Variants in PSMD4 observed in about 807,000 individuals in gnomAD.
PSMD4 encodes the protein proteasome 26S subunit ubiquitin receptor, non-ATPase 4, also known as 26S proteasome non-ATPase regulatory subunit 4.
In PSMD4, 5 loss-of-function variants were observed where a neutral mutation model predicts 39.7. The observed-to-expected ratio is 0.13, with a 90% CI of 0.07 to 0.26. The LOEUF (loss-of-function observed/expected upper bound fraction) is 0.26, where lower values mean the gene tolerates loss of function less well. PSMD4 is among the 10% of genes least tolerant of loss of function. PSMD4 has a pLI of 1.00. For synonymous variants in PSMD4, 143 were observed against 174.6 expected (o/e 0.82, Z 1.43); for missense variants, 272 against 486.1 (o/e 0.56, Z 4.14).
At chr1:151,256,355 AATAATAATAAAATAAAT>A (rs1233626010) in intron 1 of PSMD4, among the ~76,000 whole-genome samples, 8 of 72,044 alleles carry the variant, frequency 1.1e-4, no homozygotes, top group Non-Finnish European at 1.5e-4. Context: ...AAAAAAAAAA[AATAATAATAAAATAAAT>A]AAATAAATAA....
At chr1:151,256,560 T>A in intron 1 of PSMD4, among the ~76,000 whole-genome samples, 1 of 149,752 alleles carries the variant, frequency 6.7e-6, no homozygotes, top group African/African-American at 2.5e-5. Flanking sequence ...TGCCTCAGCC[T>A]CCTGAGTAAC....
chr1:151,263,947 C>T lies in PSMD4; in HGVS notation c.201C>T (p.Asp67=), dbSNP rs748237858. Reference sequence around the variant, plus strand: ...AAGTGCTGACCACACTCACCCCAGACACTGGCCGTATCCTGTCCAAGCTAC... The same window carrying T: ...AAGTGCTGACCACACTCACCCCAGATACTGGCCGTATCCTGTCCAAGCTAC... ...DCEVLTTLTP[D]TGRILSKLHT... is the part of the protein sequence containing the mutation. Residue 67 remains aspartate, a synonymous_variant, in exon 3 of 10, where the codon GAC becomes GAT. Coordinates refer to ENST00000368884, the MANE Select transcript of PSMD4 (RefSeq NM_002810.4). 3 of 1,598,438 alleles carry T rather than the reference C, an allele frequency of 1.9e-6. No individual in the cohort carries two copies. The highest frequency in any genetic ancestry group is 2.6e-6 in the Non-Finnish European group (3 of 1,172,666).
In PSMD4 at chr1:151,254,781, A is replaced by G. The variant is rs751471770; in HGVS notation, c.-2A>G. On this transcript the variant is annotated 5_prime_UTR_variant, in exon 1 of 10. Coordinates refer to ENST00000368884, the MANE Select transcript of PSMD4 (RefSeq NM_002810.4). The stretch of plus-strand genomic sequence containing the variant: ...CCGGTCGGGAGGGAGGAAGGTGGCA[A>G]GATGGTGTTGGAAAGCACTATGGTG... The G allele has an allele frequency of 2.6e-6, 4 of 1,563,696 alleles. No individual in the cohort carries two copies. Among genetic ancestry groups the G allele is most frequent in the Non-Finnish European group, 2.6e-6 (3 of 1,155,542 alleles).
intron 1 of PSMD4, chr1:151,258,947 C>A (rs587755697): frequency 6.6e-6 from 1 of 152,136 alleles, no homozygotes; most frequent in Non-Finnish European, 1.5e-5. Context: ...GGTGCGGTGG[C>A]TTACACCTGT....
chr1:151,255,119 C>T (rs1693132908), intron 1 of PSMD4, among the ~76,000 whole-genome samples: 1 of 152,188 alleles, frequency 6.6e-6, no homozygotes, highest in Admixed American at 6.5e-5. Context: ...TTTTCGGACT[C>T]ATCGTAATAG....
In PSMD4 at chr1:151,267,297, C is replaced by T. The variant is rs772628110; in HGVS notation, c.1088C>T (p.Ala363Val). 6.2e-7 allele frequency: 1 copy of T among 1,613,836 alleles called. No homozygotes were observed. Among genetic ancestry groups the T allele is most frequent in the South Asian group, 1.1e-5 (1 of 91,078 alleles). ...GCTATGGGCTCCCTGGCCTCCCAGGCCACCAAGGACGGCAAGAAGGACAAG... is the reference window on the plus strand; with the variant it reads ...GCTATGGGCTCCCTGGCCTCCCAGGTCACCAAGGACGGCAAGAAGGACAAG... ...RNAMGSLASQ[A>V]TKDGKKDKKE... Residue 363 changes from alanine (A) to valine (V), a missense_variant, in exon 10 of 10, where the codon GCC becomes GTC. Coordinates refer to ENST00000368884, the MANE Select transcript of PSMD4 (RefSeq NM_002810.4).
chr1:151,267,448 C>G lies in PSMD4; in HGVS notation c.*105C>G. ...TGTAACCATTACAGCCTAAATAAAG[C>G]TTGGCAACTTTTTTTCCTTTTTTGC... On this transcript the variant is annotated 3_prime_UTR_variant, in exon 10 of 10. Transcript: ENST00000368884. 1.5e-6 allele frequency: 2 copies of G among 1,369,004 alleles called. No individual in the cohort carries two copies. The allele number at this position is 1,369,004 out of a possible 1,614,324, so 84.8% of individuals were successfully genotyped here. A position where few individuals can be genotyped will look rare whatever the true frequency, so the allele number is the denominator to read the frequency against.
At chr1:151,257,708 T>TG (rs1230231972) in intron 1 of PSMD4, among the ~76,000 whole-genome samples, 9 of 130,036 alleles carry the variant, frequency 6.9e-5, no homozygotes, top group African/African-American at 2.6e-4. Context: ...CCACCATACC[T>TG]GGCTTTCTTT....
chr1:151,265,243 G>A lies in PSMD4; in HGVS notation c.438+9G>A, dbSNP rs1319620112. Reference sequence around the variant, plus strand: ...TCAATTTTGGGGAAGAGGTGAGTAGGGACTGATTGGAGGGCATTGACTTAA... The same window carrying A: ...TCAATTTTGGGGAAGAGGTGAGTAGAGACTGATTGGAGGGCATTGACTTAA... On this transcript the variant is annotated intron_variant, in intron 5 of 9. Coordinates refer to ENST00000368884, the MANE Select transcript of PSMD4 (RefSeq NM_002810.4). 1 of 1,611,454 alleles carries A rather than the reference G, an allele frequency of 6.2e-7. No homozygotes were observed. Among genetic ancestry groups the A allele is most frequent in the Non-Finnish European group, 8.5e-7 (1 of 1,178,052 alleles).
chr1:151,263,508 A>G (rs868796831), intron 2 of PSMD4, among the ~76,000 whole-genome samples: 20 of 150,172 alleles, frequency 1.3e-4, no homozygotes, highest in Admixed American at 2.7e-4. Context: ...AATAGAAATA[A>G]TGGTTATTAT....
At chr1:151,265,065 C>G (rs1693397866) in intron 4 of PSMD4, 101 bp from the exon 5 acceptor site, 2 of 1,309,734 alleles carry the variant, frequency 1.5e-6, no homozygotes, top group Admixed American at 2.0e-5. Flanking sequence ...GTTGGAGGAC[C>G]TTGGGGAGGT....
intron 1 of PSMD4, among the ~76,000 whole-genome samples, chr1:151,260,275 A>G (rs1236625622): frequency 6.6e-6 from 1 of 152,096 alleles, no homozygotes; most frequent in Admixed American, 6.6e-5. Flanking sequence ...GTAGAACCTT[A>G]ACTATTAGAG....
intron 2 of PSMD4, 77 bp downstream of exon 2, chr1:151,262,378 C>G: frequency 6.4e-7 from 1 of 1,572,150 alleles, no homozygotes; most frequent in Non-Finnish European, 8.8e-7. Flanking sequence ...TTCCATGAAG[C>G]TGCTTTTGCC....
chr1:151,263,664 T>TA (rs1208218635), intron 2 of PSMD4: 23 of 255,986 alleles, frequency 9.0e-5, no homozygotes, highest in East Asian at 4.7e-4. Flanking sequence ...CCGTCTCTAC[T>TA]AAAAAAAATA....
intron 2 of PSMD4, among the ~76,000 whole-genome samples, chr1:151,263,075 G>A (rs1268843855): frequency 6.6e-6 from 1 of 152,082 alleles, no homozygotes; most frequent in African/African-American, 2.4e-5. Flanking sequence ...AAGGAGTTAG[G>A]GGAAAATATT....
At chr1:151,260,360 C>A (rs1173493827) in intron 1 of PSMD4, among the ~76,000 whole-genome samples, 1 of 152,162 alleles carries the variant, frequency 6.6e-6, no homozygotes, top group African/African-American at 2.4e-5. Context: ...TACCTGCCTT[C>A]TTCTGGTCTT....
chr1:151,265,302 G>A, intron 5 of PSMD4, 68 bp downstream of exon 5: 1 of 1,591,302 alleles, frequency 6.3e-7, no homozygotes, highest in Non-Finnish European at 8.6e-7. Context: ...TTAACCCTGA[G>A]GAGTGCGGGT....
chr1:151,267,114 C>T (rs989506375), intron 9 of PSMD4, 59 bp from the exon 10 acceptor site: 6 of 1,599,058 alleles, frequency 3.8e-6, no homozygotes, highest in South Asian at 1.1e-5. Flanking sequence ...CTGTCCTTAA[C>T]ACCTGCTTAC....
intron 1 of PSMD4, among the ~76,000 whole-genome samples, chr1:151,260,739 G>A (rs185206307): frequency 6.6e-6 from 1 of 151,992 alleles, no homozygotes; most frequent in African/African-American, 2.4e-5. Context: ...GTTTCACCAT[G>A]TTTGCCAGGC....
Sources: gnomAD v4.1 joint callset for allele counts (sites outside exome capture counted in the v4.1 genomes callset) on GRCh38, gnomAD v4.1.1 for gene constraint, MANE v1.5 for transcripts, NCBI Gene and HGNC (gene_info 2026-07-23, HGNC 2026-07-21) for gene names.